Variants in EFCAB10 observed in about 807,000 individuals in gnomAD.
EFCAB10 encodes the protein EF-hand calcium-binding domain-containing protein 10.
EFCAB10 carries 7 observed loss-of-function variants against 7.7 expected under a neutral mutation model. The observed-to-expected ratio is 0.91, with a 90% CI of 0.52 to 1.72. The LOEUF (loss-of-function observed/expected upper bound fraction) is 1.72, where lower values mean the gene tolerates loss of function less well. Among genes scored for constraint, EFCAB10 ranks in the 40% most tolerant of loss-of-function variants. The pLI is 0.00. For synonymous variants in EFCAB10, 52 were observed against 21.0 expected (o/e 2.47, Z -4.03); for missense variants, 112 against 61.5 (o/e 1.82, Z -2.74).
At chr7:105,570,805 A>G (rs1262886785) in intron 1 of EFCAB10, among the ~76,000 whole-genome samples, 1 of 152,114 alleles carries the variant, frequency 6.6e-6, no homozygotes, top group African/African-American at 2.4e-5. Flanking sequence ...CAGGTGGATC[A>G]TGAGGTCGGG....
intron 1 of EFCAB10, chr7:105,571,704 C>T (rs2133518651): frequency 6.6e-6 from 1 of 152,288 alleles, no homozygotes; most frequent in East Asian, 1.9e-4. Context: ...CCTTCTCTAC[C>T]ACCACAATGC....
At position 105,567,498 on chromosome 7, in the gene EFCAB10, A is replaced by C; in HGVS notation, c.360-8T>G. 1 of 699,594 alleles carries C rather than the reference A, an allele frequency of 1.4e-6. No homozygotes were observed. The highest frequency in any genetic ancestry group is 2.1e-5 in the Admixed American group (1 of 47,818). 43.3% of individuals were successfully genotyped at this position (699,594 alleles called of 1,614,324 possible). On this transcript the variant is annotated splice_polypyrimidine_tract_variant and splice_region_variant and intron_variant, in intron 3 of 4. Transcript: ENST00000480514. Reference sequence around the variant, plus strand: ...TCCTTCATCCTCTTGTTCCTAAGGAAACAAAAACAGAAAACGAAACAATGA... The same window carrying C: ...TCCTTCATCCTCTTGTTCCTAAGGACACAAAAACAGAAAACGAAACAATGA...
At chr7:105,577,715 A>ATTT (rs5886360) in intron 1 of EFCAB10, among the ~76,000 whole-genome samples, 3 of 140,648 alleles carry the variant, frequency 2.1e-5, no homozygotes, top group Non-Finnish European at 4.6e-5. Context: ...TGTCTGTTCA[A>ATTT]TTTTTTTTTT....
chr7:105,580,851 G>A (rs1792211935), intron 1 of EFCAB10, among the ~76,000 whole-genome samples: 2 of 152,154 alleles, frequency 1.3e-5, no homozygotes, highest in Admixed American at 1.3e-4. Context: ...GGGTTCAGAT[G>A]TGTAAAAAAA....
intron 1 of EFCAB10, among the ~76,000 whole-genome samples, chr7:105,579,707 C>T (rs892148766): frequency 2.0e-5 from 3 of 151,930 alleles, no homozygotes; most frequent in African/African-American, 7.3e-5. Flanking sequence ...AGTATCTAAC[C>T]TAGAGGGAAA....
intron 3 of EFCAB10, 109 bp from the exon 4 acceptor site, chr7:105,567,599 A>C: frequency 1.7e-6 from 1 of 572,938 alleles, no homozygotes; most frequent in East Asian, 2.9e-5. Context: ...ATTATAACCA[A>C]CTTTCAATTT....
intron 1 of EFCAB10, among the ~76,000 whole-genome samples, chr7:105,581,084 G>A (rs1027282911): frequency 6.6e-6 from 1 of 152,174 alleles, no homozygotes; most frequent in African/African-American, 2.4e-5. Flanking sequence ...GCCATGCATG[G>A]TGGCGGGCGC....
At chr7:105,577,195 T>C (rs1024228561) in intron 1 of EFCAB10, among the ~76,000 whole-genome samples, 1 of 152,254 alleles carries the variant, frequency 6.6e-6, no homozygotes, top group Non-Finnish European at 1.5e-5. Flanking sequence ...CTTAGGTTCT[T>C]TTCCCCCCAT....
chr7:105,577,473 T>A (rs141729897), intron 1 of EFCAB10, among the ~76,000 whole-genome samples: 234 of 152,230 alleles, frequency 1.5e-3, no homozygotes, highest in African/African-American at 4.9e-3. Context: ...TGAATTGAAG[T>A]CTTTTTGATT....
rs1350802678 is a variant in EFCAB10, at chr7:105,567,489, T to C, written c.361A>G (p.Asn121Asp). The change falls in exon 4 of 5, where the codon AAC becomes GAC. Residue 121 changes from asparagine (N) to aspartate (D), a missense_variant and splice_region_variant. Transcript: ENST00000480514. ...ITLDKFKEEV[N>D]KRMKEI ...GACCATATTTCCTTCATCCTCTTGT[T>C]CCTAAGGAAACAAAAACAGAAAACG... The C allele has an allele frequency of 1.8e-5, 13 of 703,298 alleles. No homozygotes were observed. The highest frequency in any genetic ancestry group is 1.3e-5 in the Non-Finnish European group (5 of 390,466). 43.6% of individuals were successfully genotyped at this position (703,298 alleles called of 1,614,324 possible).
chr7:105,571,791 TC>T (rs1291818735), intron 1 of EFCAB10: 1 of 151,676 alleles, frequency 6.6e-6, no homozygotes, highest in East Asian at 1.9e-4. Flanking sequence ...CACCTTACAG[TC>T]CTGATTTAGC....
At position 105,569,471 on chromosome 7, in the gene EFCAB10, C is replaced by G. The variant is rs1466054379; in HGVS notation, c.207G>C (p.Val69=). 1 of 703,066 alleles carries G rather than the reference C, an allele frequency of 1.4e-6. No individual in the cohort carries two copies. Among genetic ancestry groups the G allele is most frequent in the Non-Finnish European group, 2.6e-6 (1 of 385,020 alleles). The allele number at this position is 703,066 out of a possible 1,614,324, so 43.6% of individuals were successfully genotyped here. A position where few individuals can be genotyped will look rare whatever the true frequency, so the allele number is the denominator to read the frequency against. Residue 69 remains valine (V), a synonymous_variant, in exon 2 of 5, where the codon GTG becomes GTC. Coordinates refer to ENST00000480514, the MANE Select transcript of EFCAB10 (RefSeq NM_001355526.2). The stretch of plus-strand genomic sequence containing the variant: ...AGGAGTCCATCATCTCAAACATAGC[C>G]ACAATGTTAGAGTTATCCATAAAGA... ...FPFFMDNSNI[V]AMFEMMDSSG...
At position 105,569,542 on chromosome 7, in the gene EFCAB10, A is replaced by T. The variant is rs1426817639; in HGVS notation, c.136T>A (p.Leu46Met). The change falls in exon 2 of 5, where the codon TTG becomes ATG. Residue 46 changes from leucine to methionine, a missense_variant. Leu to Met is a conservative substitution (Grantham distance 15, BLOSUM62 2). Transcript: ENST00000480514. ...EKPKEYLISL[L>M]ERLRIAKVTG... ...ACTTTTGCAATTCTCAGTCGTTCCAATAGAGATATTAAATATTCTTTTGGT... is the reference window on the plus strand; with the variant it reads ...ACTTTTGCAATTCTCAGTCGTTCCATTAGAGATATTAAATATTCTTTTGGT... The T allele has an allele frequency of 2.9e-6, 2 of 698,458 alleles. No individual in the cohort carries two copies. Among genetic ancestry groups the T allele is most frequent in the Admixed American group, 2.1e-5 (1 of 48,526 alleles). 43.3% of individuals were successfully genotyped at this position (698,458 alleles called of 1,614,324 possible). A position where few individuals can be genotyped will look rare whatever the true frequency, so the allele number is the denominator to read the frequency against.
Position 105,574,685 on chromosome 7 carries a change from G to A in EFCAB10, c.107-5114C>T, listed in dbSNP as rs558689964. On this transcript the variant is annotated intron_variant, in intron 1 of 4. Transcript: ENST00000480514. ...ATATTTTTAATAGAGGGGTTTCACC[G>A]TGTTAGCCAGGATGGTCTCGATCTC... Among the ~76,000 whole-genome samples the A allele has an allele frequency of 7.2e-5, 11 of 151,872 alleles. No homozygotes were observed. In the South Asian group the frequency reaches 1.2e-3, roughly 17 times the overall value.
rs186006559 is a variant in EFCAB10 at position 105,575,503 on chromosome 7, C to T, written c.106+5855G>A. On this transcript the variant is annotated intron_variant, in intron 1 of 4. Coordinates refer to ENST00000480514, the MANE Select transcript of EFCAB10 (RefSeq NM_001355526.2). ...TTTGTAACAACCAGCAATTATATTT[C>T]CCAATATACCCTAGCTGAGGCAAGT... Among the ~76,000 whole-genome samples, 167 of 152,112 alleles carry T rather than the reference C, an allele frequency of 1.1e-3. 1 individual carries two copies. The highest frequency in any genetic ancestry group is 1.7e-3 in the Non-Finnish European group (116 of 68,000).
Position 105,573,727 on chromosome 7 carries a change from T to G in EFCAB10, c.107-4156A>C, listed in dbSNP as rs529433210. 2.6e-5 allele frequency: 4 copies of G among 152,342 alleles called. No homozygotes were observed. The South Asian group carries it at 8.3e-4, about 32-fold the overall frequency. The allele number at this position is 152,342 out of a possible 1,614,324, so 9.4% of individuals were successfully genotyped here. A position where few individuals can be genotyped will look rare whatever the true frequency, so the allele number is the denominator to read the frequency against. On this transcript the variant is annotated intron_variant, in intron 1 of 4. Coordinates refer to ENST00000480514, the MANE Select transcript of EFCAB10 (RefSeq NM_001355526.2). ...TGAGCCCTTACTATATGCCTGGTAC[T>G]GTGTGAAGCATTTTCTATGGATCAT...
At position 105,567,160 on chromosome 7, in the gene EFCAB10, C is replaced by T; in HGVS notation, c.383+307G>A. ...ATTGTTTTGAATTTGAACGTCGGTTCTGCACTACTGCTGAAAGATGTACTG... is the reference window on the plus strand; with the variant it reads ...ATTGTTTTGAATTTGAACGTCGGTTTTGCACTACTGCTGAAAGATGTACTG... On this transcript the variant is annotated intron_variant, in intron 4 of 4. Transcript: ENST00000480514. 1.3e-6 allele frequency: 2 copies of T among 1,599,262 alleles called. No individual in the cohort carries two copies. The highest frequency in any genetic ancestry group is 2.2e-5 in the East Asian group (1 of 44,766).
In EFCAB10 at chr7:105,569,036, T is replaced by C. The variant is rs181468345; in HGVS notation, c.359+167A>G. ...CATTTTCCCTTCCTATTCCCAAGTTTAGGGACTTTACCGTCAGCCTTACCT... is the reference window on the plus strand; with the variant it reads ...CATTTTCCCTTCCTATTCCCAAGTTCAGGGACTTTACCGTCAGCCTTACCT... On this transcript the variant is annotated intron_variant, in intron 3 of 4. Coordinates refer to ENST00000480514, the MANE Select transcript of EFCAB10 (RefSeq NM_001355526.2). Among the ~76,000 whole-genome samples, 40 of 152,172 alleles carry C rather than the reference T, an allele frequency of 2.6e-4. 1 individual carries two copies. Among genetic ancestry groups the C allele is most frequent in the Admixed American group, 1.2e-3 (18 of 15,288 alleles).
rs777291719 is a variant in EFCAB10, at chr7:105,565,590, C to G, written c.*-143G>C. 5 of 1,613,760 alleles carry G rather than the reference C, an allele frequency of 3.1e-6. No individual in the cohort carries two copies. The highest frequency in any genetic ancestry group is 4.2e-6 in the Non-Finnish European group (5 of 1,179,892). ...AGCCCAGCTGCAGTTTGATATGACT[C>G]GGAATCTTTTCCCTTTGTTTTCTCA... On this transcript the variant is annotated intron_variant, in intron 4 of 4. Coordinates refer to ENST00000480514, the MANE Select transcript of EFCAB10 (RefSeq NM_001355526.2).
Sources: gnomAD v4.1 joint callset for allele counts (sites outside exome capture counted in the v4.1 genomes callset) on GRCh38, gnomAD v4.1.1 for gene constraint, MANE v1.5 for transcripts, NCBI Gene and HGNC (gene_info 2026-07-23, HGNC 2026-07-21) for gene names.